Variants in FBRSL1 observed in about 807,000 individuals in gnomAD.
FBRSL1 encodes fibrosin-1-like protein.
Under a neutral mutation model 89.6 loss-of-function variants are expected in FBRSL1, and 51 were observed. That is an observed-to-expected ratio of 0.57 (90% CI 0.45 to 0.72). The LOEUF (loss-of-function observed/expected upper bound fraction) is 0.72, where lower values mean the gene tolerates loss of function less well. Among genes scored for constraint, FBRSL1 ranks in the 30% least tolerant of loss-of-function variants. The probability of loss-of-function intolerance (pLI) is 0.00; values close to 1 mark genes in which losing one functional copy is unlikely to be tolerated. For synonymous variants in FBRSL1, 779 were observed against 681.1 expected, an observed-to-expected ratio of 1.14 and a Z score of -2.24; for missense variants, 1,618 against 1,451.8, an observed-to-expected ratio of 1.11 and a Z score of -1.86.
Position 132,576,724 on chromosome 12 carries a change from G to A in FBRSL1, c.1702-75G>A, listed in dbSNP as rs993220874. ...GACTGGCTCACACCCAGTCCCTGTGGCCCCTCAGGCCTGGGCTCCCTGTGT... is the reference window on the plus strand; with the variant it reads ...GACTGGCTCACACCCAGTCCCTGTGACCCCTCAGGCCTGGGCTCCCTGTGT... On this transcript the variant is annotated intron_variant, in intron 14 of 18. Transcript: ENST00000680143. 24 of 1,483,828 alleles carry A rather than the reference G, an allele frequency of 1.6e-5. No homozygotes were observed. The African/African-American group carries it at 2.9e-4, about 18-fold the overall frequency. The allele number at this position is 1,483,828 out of a possible 1,614,324, so 91.9% of individuals were successfully genotyped here.
At position 132,576,413 on chromosome 12, in the gene FBRSL1, G is replaced by A. The variant is rs575921695; in HGVS notation, c.1702-386G>A. Among the ~76,000 whole-genome samples, 1,010 of 152,034 alleles carry A rather than the reference G, an allele frequency of 6.6e-3. 3 individuals are homozygous for A. The highest frequency in any genetic ancestry group is 0.012 in the Non-Finnish European group (787 of 67,984). ...TCGCCATGTTGGCCAGGCTGGTCTC[G>A]AACTCCTGACCTCAGGTGATCCGCC... is the stretch of plus-strand genomic sequence containing the variant. On this transcript the variant is annotated intron_variant, in intron 14 of 18. Coordinates refer to ENST00000680143, the MANE Select transcript of FBRSL1 (RefSeq NM_001367871.1).
chr12:132,495,068 C>T (rs929223353), intron 1 of FBRSL1, among the ~76,000 whole-genome samples: 5 of 152,180 alleles, frequency 3.3e-5, no homozygotes, highest in African/African-American at 9.7e-5. Context: ...AGCCTGGAGC[C>T]GGTGGGCCTT....
chr12:132,534,265 C>G (rs1247830979), intron 4 of FBRSL1, among the ~76,000 whole-genome samples: 1 of 152,232 alleles, frequency 6.6e-6, no homozygotes, highest in Non-Finnish European at 1.5e-5. Context: ...GGGTGGGACG[C>G]CACGTGCGTT....
intron 4 of FBRSL1, among the ~76,000 whole-genome samples, chr12:132,542,233 C>A (rs1342752578): frequency 6.6e-6 from 1 of 152,204 alleles, no homozygotes; most frequent in East Asian, 1.9e-4. Flanking sequence ...CCCCGGGCAC[C>A]TGGGTGGGCA....
At chr12:132,491,082 G>A (rs548680554) in intron 1 of FBRSL1, among the ~76,000 whole-genome samples, 2 of 152,366 alleles carry the variant, frequency 1.3e-5, no homozygotes, top group South Asian at 4.1e-4. Flanking sequence ...TGGGTTTGGG[G>A]ACGTTTTAAG....
At position 132,546,119 on chromosome 12, in the gene FBRSL1, G is replaced by A. The variant is rs966676604; in HGVS notation, c.616-1884G>A. Reference sequence around the variant, plus strand: ...GTTCCTCCCCTCCCCTGCGCTCCCCGCAGGAGCTTGTGGCTTTCCCCTGCC... The same window carrying A: ...GTTCCTCCCCTCCCCTGCGCTCCCCACAGGAGCTTGTGGCTTTCCCCTGCC... On this transcript the variant is annotated intron_variant, in intron 4 of 18. Coordinates refer to ENST00000680143, the MANE Select transcript of FBRSL1 (RefSeq NM_001367871.1). The surrounding 1 kb of genome is among the most constrained non-coding windows in gnomAD (Gnocchi z 4.0). Among the ~76,000 whole-genome samples, 9 of 152,314 alleles carry A rather than the reference G, an allele frequency of 5.9e-5. No individual in the cohort carries two copies. The highest frequency in any genetic ancestry group is 3.3e-4 in the Admixed American group (5 of 15,308).
At chr12:132,563,956 C>G (rs1593514529) in intron 5 of FBRSL1, among the ~76,000 whole-genome samples, 1 of 150,164 alleles carries the variant, frequency 6.7e-6, no homozygotes, top group African/African-American at 2.5e-5. Context: ...TCTGTACACC[C>G]ACCCCCGTCG....
At chr12:132,552,481 A>T (rs1255882992) in intron 5 of FBRSL1, 1 of 142,096 alleles carries the variant, frequency 7.0e-6, no homozygotes. Context: ...CTCACCCCGC[A>T]GGATGGACAG....
intron 4 of FBRSL1, among the ~76,000 whole-genome samples, chr12:132,542,331 TC>T (rs2037336157): frequency 6.6e-6 from 1 of 152,214 alleles, no homozygotes; most frequent in Non-Finnish European, 1.5e-5. Flanking sequence ...GCACCGGTGT[TC>T]CCAGCAGCTC....
At chr12:132,523,900 G>A (rs1593335968) in intron 2 of FBRSL1, among the ~76,000 whole-genome samples, 3 of 152,248 alleles carry the variant, frequency 2.0e-5, no homozygotes, top group Admixed American at 2.0e-4. Context: ...GGCCCCAGCA[G>A]GGCAGCAAGT....
rs1023157222 is a variant in FBRSL1, at chr12:132,501,092, G to A, written c.292-7061G>A. On this transcript the variant is annotated intron_variant, in intron 1 of 18. Transcript: ENST00000680143. ...CAGGGAGGGGACCCTGATGTGGACCGGGCCCCTGACGTGGACTGGACTGGG... is the reference window on the plus strand; with the variant it reads ...CAGGGAGGGGACCCTGATGTGGACCAGGCCCCTGACGTGGACTGGACTGGG... 3.3e-5 allele frequency among the ~76,000 whole-genome samples: 5 copies of A among 152,206 alleles called. No individual in the cohort carries two copies. In the East Asian group the frequency reaches 7.7e-4, roughly 23 times the overall value.
chr12:132,519,436 A>G (rs1323956903), intron 2 of FBRSL1, among the ~76,000 whole-genome samples: 4 of 152,240 alleles, frequency 2.6e-5, no homozygotes, highest in Non-Finnish European at 5.9e-5. Context: ...CTGGAGACAG[A>G]CAACAGAGTT....
intron 1 of FBRSL1, among the ~76,000 whole-genome samples, chr12:132,504,292 G>A (rs997881160): frequency 2.6e-5 from 4 of 152,170 alleles, no homozygotes; most frequent in African/African-American, 9.7e-5. Context: ...TTATCTCTCC[G>A]TGTCTGGTTC....
intron 1 of FBRSL1, among the ~76,000 whole-genome samples, chr12:132,492,086 T>C (rs1252272114): frequency 1.3e-5 from 2 of 152,216 alleles, no homozygotes; most frequent in Non-Finnish European, 2.9e-5. Flanking sequence ...TGACACAGAC[T>C]GTACGTGTAC....
intron 6 of FBRSL1, among the ~76,000 whole-genome samples, 174 bp from the exon 7 acceptor site, chr12:132,569,752 G>T (rs112500070): frequency 6.6e-6 from 1 of 152,074 alleles, no homozygotes; most frequent in African/African-American, 2.4e-5. Flanking sequence ...CTGGAGCCTC[G>T]GGTGAGATCC....
rs1291919468 is a variant in FBRSL1 at position 132,581,264 on chromosome 12, T to C, written c.1835-175T>C. On this transcript the variant is annotated intron_variant, in intron 15 of 18. Coordinates refer to ENST00000680143, the MANE Select transcript of FBRSL1 (RefSeq NM_001367871.1). ...TCCAAGTCAAACCTCCTCCGAATTG[T>C]GGGGTAGATTCCACCTCTTACTCTG... is the stretch of plus-strand genomic sequence containing the variant. 3 of 985,090 alleles carry C rather than the reference T, an allele frequency of 3.0e-6. No individual in the cohort carries two copies. In the African/African-American group the frequency reaches 5.3e-5, roughly 17 times the overall value. The allele number at this position is 985,090 out of a possible 1,614,324, so 61.0% of individuals were successfully genotyped here.
chr12:132,521,290 T>G (rs2035327317), intron 2 of FBRSL1, among the ~76,000 whole-genome samples: 1 of 152,192 alleles, frequency 6.6e-6, no homozygotes, highest in South Asian at 2.1e-4. Context: ...CACACTCATT[T>G]CCACTCAGAC....
At chr12:132,514,155 G>C (rs1030396742) in intron 2 of FBRSL1, among the ~76,000 whole-genome samples, 6 of 152,234 alleles carry the variant, frequency 3.9e-5, no homozygotes, top group Non-Finnish European at 8.8e-5. Context: ...TCCGTGTGTG[G>C]GGAGACAGGC....
chr12:132,518,662 C>T (rs968466579), intron 2 of FBRSL1, among the ~76,000 whole-genome samples: 2 of 151,666 alleles, frequency 1.3e-5, no homozygotes, highest in African/African-American at 4.8e-5. Flanking sequence ...ACCCGTGCAT[C>T]CATCCATCCA....
Sources: allele counts gnomAD v4.1 joint callset (sites outside exome capture counted in the v4.1 genomes callset), GRCh38; gene constraint gnomAD v4.1.1; non-coding constraint Gnocchi (gnomAD v3.1); transcripts MANE v1.5; gene names NCBI Gene and HGNC (gene_info 2026-07-23, HGNC 2026-07-21).